SDK1: variants seen among roughly 807,000 people sequenced by gnomAD.
The protein encoded by SDK1 is protein sidekick-1.
SDK1 carries 157 observed loss-of-function variants against 245.5 expected under a neutral mutation model. The observed-to-expected ratio is 0.64, with a 90% confidence interval of 0.56 to 0.73. The LOEUF (loss-of-function observed/expected upper bound fraction) is 0.73, where lower values mean the gene tolerates loss of function less well. Among genes scored for constraint, SDK1 ranks in the 30% least tolerant of loss-of-function variants. The pLI is 0.00. For synonymous variants in SDK1, 1,647 were observed against 1,278.5 expected, an observed-to-expected ratio of 1.29 and a Z score of -6.15; for missense variants, 3,583 against 3,002.3, an observed-to-expected ratio of 1.19 and a Z score of -4.52.
At chr7:3,552,468 C>G (rs1167459520) in intron 1 of SDK1, among the ~76,000 whole-genome samples, 2 of 152,232 alleles carry the variant, frequency 1.3e-5, no homozygotes, top group African/African-American at 4.8e-5. Context: ...CCTACCTCTT[C>G]TCCCTCTCAT....
chr7:4,120,109 C>T (rs1318662577), intron 25 of SDK1, among the ~76,000 whole-genome samples: 3 of 130,214 alleles, frequency 2.3e-5, no homozygotes, highest in African/African-American at 8.4e-5. Context: ...AACATAAAGA[C>T]ATAAGATTGA....
At chr7:4,260,181 G>A (rs1273179070) in intron 44 of SDK1, among the ~76,000 whole-genome samples, 9 of 148,502 alleles carry the variant, frequency 6.1e-5, no homozygotes, top group African/African-American at 1.7e-4. Flanking sequence ...TGTGTTCATC[G>A]TCACCTGATG....
At chr7:3,652,438 C>T (rs1783039061) in intron 4 of SDK1, among the ~76,000 whole-genome samples, 1 of 152,166 alleles carries the variant, frequency 6.6e-6, no homozygotes, top group Non-Finnish European at 1.5e-5. Flanking sequence ...ATGCGGTGGC[C>T]CCTCATGGCC....
rs867809291 is a variant in SDK1 at position 3,641,989 on chromosome 7, G to T, written c.597G>T (p.Arg199Ser). 6.2e-7 allele frequency: 1 copy of T among 1,613,922 alleles called. No homozygotes were observed. Among genetic ancestry groups the T allele is most frequent in the African/African-American group, 1.3e-5 (1 of 74,918 alleles). Reference sequence around the variant, plus strand: ...GAAGTTTCATGGATACGGACCAGAGGAAAACAGTTTCTCAAGGACGTGCAG... The same window carrying T: ...GAAGTTTCATGGATACGGACCAGAGTAAAACAGTTTCTCAAGGACGTGCAG... ...YMGSFMDTDQRKTVSQGRAAI... is the reference protein window; with the variant it reads ...YMGSFMDTDQSKTVSQGRAAI... The change falls in exon 4 of 45, where the codon AGG becomes AGT. Residue 199 changes from arginine (R) to serine (S), a missense_variant. Arg to Ser is a moderately radical substitution (Grantham distance 110). Coordinates refer to ENST00000404826, the MANE Select transcript of SDK1 (RefSeq NM_152744.4).
intron 5 of SDK1, among the ~76,000 whole-genome samples, chr7:3,888,452 G>T (rs1781386243): frequency 6.6e-6 from 1 of 152,180 alleles, no homozygotes; most frequent in Admixed American, 6.5e-5. Flanking sequence ...GTACAGAGTG[G>T]ATTCACAGAG....
At chr7:3,582,781 G>C (rs1780550153) in intron 1 of SDK1, among the ~76,000 whole-genome samples, 2 of 148,946 alleles carry the variant, frequency 1.3e-5, no homozygotes. Context: ...AAAGGAAATA[G>C]AGTTCCCTTT....
intron 4 of SDK1, among the ~76,000 whole-genome samples, chr7:3,735,545 G>A (rs1779295890): frequency 6.6e-6 from 1 of 152,182 alleles, no homozygotes; most frequent in Non-Finnish European, 1.5e-5. Flanking sequence ...ATAGGGCACG[G>A]TGTGTTTACC....
chr7:3,696,323 C>T (rs1269187613), intron 4 of SDK1, among the ~76,000 whole-genome samples: 3 of 152,182 alleles, frequency 2.0e-5, no homozygotes, highest in East Asian at 3.9e-4. Context: ...TCTGCTTGTA[C>T]ACATTGCACC....
In SDK1 at chr7:4,017,334, G is replaced by C. The variant is rs1048895252; in HGVS notation, c.2584G>C (p.Glu862Gln). The C allele has an allele frequency of 1.9e-6, 3 of 1,611,612 alleles. No homozygotes were observed. Among genetic ancestry groups the C allele is most frequent in the Non-Finnish European group, 2.5e-6 (3 of 1,178,968 alleles). Residue 862 changes from glutamate to glutamine, a missense_variant, in exon 17 of 45, where the codon GAG becomes CAG. By Grantham distance (29) the Glu-to-Gln change is conservative (BLOSUM62 2). Transcript: ENST00000404826. ...GLGVFSRAVT[E>Q]YTLQGVPTAP... is the part of the protein sequence containing the mutation. Reference sequence around the variant, plus strand: ...GGGCGTCTTCAGCAGGGCAGTGACCGAGTACACCTTGCAGGGAGGTAAGCT... The same window carrying C: ...GGGCGTCTTCAGCAGGGCAGTGACCCAGTACACCTTGCAGGGAGGTAAGCT...
chr7:4,030,089 G>T (rs2128157990), intron 17 of SDK1, among the ~76,000 whole-genome samples: 1 of 152,276 alleles, frequency 6.6e-6, no homozygotes, highest in East Asian at 1.9e-4. Flanking sequence ...CCCTGTACTG[G>T]CTAGATGCGC....
intron 2 of SDK1, among the ~76,000 whole-genome samples, chr7:3,619,809 G>A (rs1237166027): frequency 2.0e-5 from 3 of 152,230 alleles, no homozygotes; most frequent in Non-Finnish European, 2.9e-5. Flanking sequence ...ATGCACTGGG[G>A]TGGACATGAT....
chr7:3,778,156 G>T (rs1732571072), intron 4 of SDK1, among the ~76,000 whole-genome samples: 1 of 152,126 alleles, frequency 6.6e-6, no homozygotes, highest in Admixed American at 6.5e-5. Context: ...AACCAGTAGT[G>T]TATAAAATGA....
At chr7:4,189,397 T>C (rs572677197) in intron 35 of SDK1, among the ~76,000 whole-genome samples, 9 of 152,080 alleles carry the variant, frequency 5.9e-5, no homozygotes, top group African/African-American at 1.9e-4. Flanking sequence ...GCAACATAGG[T>C]TTTCCCCAAA....
intron 44 of SDK1, among the ~76,000 whole-genome samples, chr7:4,252,241 T>C (rs1326257913): frequency 7.0e-6 from 1 of 142,628 alleles, no homozygotes; most frequent in Non-Finnish European, 1.5e-5. Context: ...CAGTGTGTGA[T>C]GTTCCCCTTC....
intron 1 of SDK1, among the ~76,000 whole-genome samples, chr7:3,488,338 C>T (rs1457404166): frequency 1.3e-5 from 2 of 152,022 alleles, no homozygotes; most frequent in Admixed American, 6.5e-5. Flanking sequence ...TCCTTACTGT[C>T]GTTATTTTCT....
chr7:3,966,783 T>A (rs1782117393), intron 9 of SDK1, among the ~76,000 whole-genome samples: 1 of 152,126 alleles, frequency 6.6e-6, no homozygotes, highest in African/African-American at 2.4e-5. Flanking sequence ...CCTCCTGGGC[T>A]CAAGCGATCC....
At chr7:3,590,046 T>C (rs1037899341) in intron 1 of SDK1, among the ~76,000 whole-genome samples, 1 of 152,202 alleles carries the variant, frequency 6.6e-6, no homozygotes, top group African/African-American at 2.4e-5. Context: ...ATTGGAAAAT[T>C]AGTTTTCCTA....
At chr7:3,911,709 C>T (rs929815685) in intron 5 of SDK1, among the ~76,000 whole-genome samples, 6 of 152,156 alleles carry the variant, frequency 3.9e-5, no homozygotes, top group Non-Finnish European at 8.8e-5. Context: ...CTTTACTGTA[C>T]CCATTTTGTC....
rs1356622892 is a variant in SDK1, at chr7:3,403,846, TA to T, written c.298+101963del. On this transcript the variant is annotated intron_variant, in intron 1 of 44. Coordinates refer to ENST00000404826, the MANE Select transcript of SDK1 (RefSeq NM_152744.4). ...TTACATATATATATATATATATATA[TA>T]TATATATATATATATATATATAATA... Among the ~76,000 whole-genome samples the T allele has an allele frequency of 7.5e-5, 8 of 106,904 alleles. 1 individual carries two copies. The highest frequency in any genetic ancestry group is 1.2e-4 in the African/African-American group (3 of 25,350). 70.1% of individuals were successfully genotyped at this position (106,904 alleles called of 152,430 possible).
Sources: gnomAD v4.1 joint callset for allele counts (sites outside exome capture counted in the v4.1 genomes callset) on GRCh38, gnomAD v4.1.1 for gene constraint, MANE v1.5 for transcripts, NCBI Gene and HGNC (gene_info 2026-07-23, HGNC 2026-07-21) for gene names.